The following GULP1 variants were observed in gnomAD, a reference collection of about 807,000 sequenced individuals.
GULP1 encodes PTB domain-containing engulfment adapter protein 1.
GULP1 carries 19 observed loss-of-function variants against 40.9 expected under a neutral mutation model. That is an observed-to-expected ratio of 0.46 (90% confidence interval 0.32 to 0.68). GULP1 has a LOEUF of 0.68. GULP1 is among the 30% of genes least tolerant of loss of function. The pLI is 0.03. For synonymous variants in GULP1, 119 were observed against 117.6 expected, an observed-to-expected ratio of 1.01 and a Z score of -0.08; for missense variants, 312 against 362.2, an observed-to-expected ratio of 0.86 and a Z score of 1.12.
chr2:188,365,302 A>G (rs1344985924), intron 1 of GULP1, among the ~76,000 whole-genome samples: 1 of 152,148 alleles, frequency 6.6e-6, no homozygotes, highest in Non-Finnish European at 1.5e-5. Flanking sequence ...GGGAAGGTTA[A>G]TCTTGTAAGG....
At chr2:188,538,836 T>TG (rs1689662841) in intron 6 of GULP1, among the ~76,000 whole-genome samples, 1 of 151,532 alleles carries the variant, frequency 6.6e-6, no homozygotes, top group African/African-American at 2.4e-5. Flanking sequence ...CACAAAAAAA[T>TG]CAATCATTTC....
intron 4 of GULP1, among the ~76,000 whole-genome samples, chr2:188,520,475 A>T (rs1222441396): frequency 6.7e-6 from 1 of 149,810 alleles, no homozygotes; most frequent in Non-Finnish European, 1.5e-5. Flanking sequence ...AGTTGCAGTG[A>T]GCCGAGGTTG....
At chr2:188,362,292 C>T (rs2152381945) in intron 1 of GULP1, among the ~76,000 whole-genome samples, 1 of 152,056 alleles carries the variant, frequency 6.6e-6, no homozygotes, top group Admixed American at 6.5e-5. Flanking sequence ...TGAGGAATAC[C>T]ATTATAACAT....
intron 4 of GULP1, among the ~76,000 whole-genome samples, chr2:188,515,223 A>G (rs770189908): frequency 2.0e-5 from 3 of 152,148 alleles, no homozygotes; most frequent in Admixed American, 1.3e-4. Flanking sequence ...CGCATTCAGG[A>G]GTATTAATGT....
At chr2:188,467,824 T>C (rs1290132751) in intron 2 of GULP1, among the ~76,000 whole-genome samples, 1 of 152,118 alleles carries the variant, frequency 6.6e-6, no homozygotes, top group Non-Finnish European at 1.5e-5. Context: ...CTGTCACAGA[T>C]GGTCTAGTGC....
chr2:188,423,495 C>G (rs2055740733), intron 2 of GULP1, among the ~76,000 whole-genome samples: 1 of 151,806 alleles, frequency 6.6e-6, no homozygotes, highest in East Asian at 1.9e-4. Context: ...TTGTTCCATT[C>G]AGAGATTACA....
intron 5 of GULP1, among the ~76,000 whole-genome samples, chr2:188,528,402 A>T (rs1686717111): frequency 6.6e-6 from 1 of 152,064 alleles, no homozygotes; most frequent in Admixed American, 6.6e-5. Flanking sequence ...GCACATGAGT[A>T]TTCTGGTTTT....
At chr2:188,407,329 A>C (rs2053255210) in intron 2 of GULP1, among the ~76,000 whole-genome samples, 1 of 152,218 alleles carries the variant, frequency 6.6e-6, no homozygotes, top group Non-Finnish European at 1.5e-5. Flanking sequence ...TTCACTGGTA[A>C]AAGTAAATAC....
At chr2:188,536,569 A>C (rs772478790) in intron 6 of GULP1, among the ~76,000 whole-genome samples, 1 of 151,994 alleles carries the variant, frequency 6.6e-6, no homozygotes, top group Non-Finnish European at 1.5e-5. Context: ...TACCAGTACC[A>C]TGCTTTTTTG....
rs778658447 is a variant in GULP1, at chr2:188,529,139, A to C, written c.205A>C (p.Lys69Gln). ...IKKSEGQKIP[K>Q]VELQISIYGV... is the part of the protein sequence containing the mutation. ...GAAATCTGAAGGCCAGAAAATTCCT[A>C]AAGTGGAGTTGCAAATATCAATTTA... is the stretch of plus-strand genomic sequence containing the variant. The change falls in exon 6 of 12, where the codon AAA becomes CAA. Residue 69 changes from lysine to glutamine, a missense_variant. Lys to Gln is a moderately conservative substitution (Grantham distance 53). Transcript: ENST00000409830. 3.8e-6 allele frequency: 6 copies of C among 1,587,994 alleles called. No homozygotes were observed.
intron 1 of GULP1, among the ~76,000 whole-genome samples, chr2:188,342,058 G>A (rs1410075787): frequency 1.2e-4 from 19 of 152,154 alleles, no homozygotes; most frequent in Admixed American, 1.1e-3. Context: ...ATTTTTAGAA[G>A]TAGAAAGAAC....
chr2:188,367,469 C>T (rs2046962901), intron 1 of GULP1, among the ~76,000 whole-genome samples: 1 of 152,152 alleles, frequency 6.6e-6, no homozygotes, highest in South Asian at 2.1e-4. Flanking sequence ...AGCTTGTGGG[C>T]ATGGCACAGC....
intron 4 of GULP1, among the ~76,000 whole-genome samples, chr2:188,518,320 C>G (rs969399909): frequency 6.6e-6 from 1 of 152,174 alleles, no homozygotes; most frequent in Admixed American, 6.5e-5. Context: ...GCTGGAGCCA[C>G]AGCATTAGCC....
intron 1 of GULP1, among the ~76,000 whole-genome samples, chr2:188,321,788 G>A (rs568802994): frequency 6.6e-6 from 1 of 151,846 alleles, no homozygotes; most frequent in African/African-American, 2.4e-5. Flanking sequence ...AGTCAGAGGC[G>A]GGCAGATCAC....
intron 1 of GULP1, among the ~76,000 whole-genome samples, chr2:188,314,659 C>T (rs1035860463): frequency 1.3e-5 from 2 of 152,188 alleles, no homozygotes; most frequent in South Asian, 2.1e-4. Context: ...CCCCACTACA[C>T]TTTCTTTATG....
Position 188,473,478 on chromosome 2 carries a change from T to C in GULP1, c.-44-4181T>C, listed in dbSNP as rs1363963985. ...GTGTTCTATTGTACTGTGGCTGAGC[T>C]GAAACCACAAGACACAGTCCTTCTC... On this transcript the variant is annotated intron_variant, in intron 2 of 11. Transcript: ENST00000409830. Among the ~76,000 whole-genome samples, 3 of 152,192 alleles carry C rather than the reference T, an allele frequency of 2.0e-5. No individual in the cohort carries two copies. The East Asian group carries it at 5.8e-4, about 29-fold the overall frequency.
intron 2 of GULP1, among the ~76,000 whole-genome samples, chr2:188,441,949 T>C (rs2057977036): frequency 6.6e-6 from 1 of 152,184 alleles, no homozygotes; most frequent in African/African-American, 2.4e-5. Context: ...GTGTTGACAG[T>C]TTAAGACCTT....
Position 188,576,007 on chromosome 2 carries a change from C to T in GULP1, c.609+5887C>T, listed in dbSNP as rs539907721. Among the ~76,000 whole-genome samples, 4 of 152,152 alleles carry T rather than the reference C, an allele frequency of 2.6e-5. No homozygotes were observed. In the South Asian group the frequency reaches 8.3e-4, roughly 32 times the overall value. ...TAATGGATTGGTTGGGGGCAGTACA[C>T]ACACACACACACAAAAGGAGCAGGA... On this transcript the variant is annotated intron_variant, in intron 9 of 11. Transcript: ENST00000409830.
chr2:188,552,651 T>C (rs767068142), intron 7 of GULP1, among the ~76,000 whole-genome samples: 6 of 151,588 alleles, frequency 4.0e-5, no homozygotes, highest in African/African-American at 7.3e-5. Context: ...TATTCTGTGA[T>C]GAATGATGTC....
Sources: gnomAD v4.1 joint callset for allele counts (sites outside exome capture counted in the v4.1 genomes callset) on GRCh38, gnomAD v4.1.1 for gene constraint, MANE v1.5 for transcripts, NCBI Gene and HGNC (gene_info 2026-07-23, HGNC 2026-07-21) for gene names.